Variants in IL1RAPL1 observed in about 807,000 individuals in gnomAD.
The protein encoded by IL1RAPL1 is interleukin-1 receptor accessory protein-like 1.
In IL1RAPL1, 3 loss-of-function variants were observed where a neutral mutation model predicts 48.4. That is an observed-to-expected ratio of 0.06 (90% CI 0.03 to 0.16). The LOEUF (loss-of-function observed/expected upper bound fraction) is 0.16. Ranked by LOEUF, IL1RAPL1 falls within the 10% of genes least tolerant of loss-of-function variation. IL1RAPL1 has a pLI of 1.00. For missense variants in IL1RAPL1, 349 were observed against 530.6 expected (o/e 0.66, Z 3.36); for synonymous variants, 185 against 187.7 (o/e 0.99, Z 0.12).
At chrX:29,120,288 C>G (rs932713028) in intron 2 of IL1RAPL1, among the ~76,000 whole-genome samples, 2 of 112,040 alleles carry the variant, frequency 1.8e-5, no homozygotes, top group Admixed American at 1.9e-4. Context: ...ACATTTAAGT[C>G]TTTAATTCAT....
At chrX:29,852,973 G>A (rs1022108765) in intron 6 of IL1RAPL1, among the ~76,000 whole-genome samples, 1 of 111,381 alleles carries the variant, frequency 9.0e-6, no homozygotes, top group Admixed American at 9.6e-5. Flanking sequence ...ACAGCTGACT[G>A]TGAGAATCCT....
chrX:29,651,513 C>G (rs1925516715), intron 5 of IL1RAPL1, among the ~76,000 whole-genome samples: 3 of 111,277 alleles, frequency 2.7e-5, no homozygotes, highest in Non-Finnish European at 3.8e-5. Flanking sequence ...TGAAAGATCC[C>G]AGGCACAATA....
rs1332159790 is a variant in IL1RAPL1 at position 29,111,929 on chromosome X, T to C, written c.83-171009T>C. Reference sequence around the variant, plus strand: ...GTAGGTTGTATTTTCACTTTTCTTTTTTTTTTTTTTTTTTTTTTGAGACGG... The same window carrying C: ...GTAGGTTGTATTTTCACTTTTCTTTCTTTTTTTTTTTTTTTTTTGAGACGG... On this transcript the variant is annotated intron_variant, in intron 2 of 10. Transcript: ENST00000378993. Among the ~76,000 whole-genome samples, 99 of 87,694 alleles carry C rather than the reference T, an allele frequency of 1.1e-3. 1 individual carries two copies. The highest frequency in any genetic ancestry group is 4.8e-3 in the South Asian group (8 of 1,679). The allele number at this position is 87,694 out of a possible 115,157, so 76.2% of individuals were successfully genotyped here. A position where few individuals can be genotyped will look rare whatever the true frequency, so the allele number is the denominator to read the frequency against.
chrX:29,842,598 G>A (rs1931157818), intron 6 of IL1RAPL1, among the ~76,000 whole-genome samples: 2 of 112,118 alleles, frequency 1.8e-5, no homozygotes, highest in Admixed American at 9.4e-5. Flanking sequence ...GAAACATTTG[G>A]CCTCTGTTGT....
chrX:28,620,898 C>T (rs1179399729), intron 1 of IL1RAPL1, among the ~76,000 whole-genome samples: 1 of 111,912 alleles, frequency 8.9e-6, no homozygotes, highest in Non-Finnish European at 1.9e-5. Flanking sequence ...TATCACTCTC[C>T]TCTTTGCCTA....
Position 28,998,525 on chromosome X carries a change from T to C in IL1RAPL1, c.82+209100T>C, listed in dbSNP as rs771435755. Among the ~76,000 whole-genome samples the C allele has an allele frequency of 3.1e-4, 35 of 112,134 alleles. No homozygotes were observed. In the South Asian group the frequency reaches 0.012, roughly 39 times the overall value. ...AACTTTCACCTTCTATATGTGATAATATGTTTAAATGTAATTAACTGTTCT... is the reference window on the plus strand; with the variant it reads ...AACTTTCACCTTCTATATGTGATAACATGTTTAAATGTAATTAACTGTTCT... On this transcript the variant is annotated intron_variant, in intron 2 of 10. Coordinates refer to ENST00000378993, the MANE Select transcript of IL1RAPL1 (RefSeq NM_014271.4).
At chrX:28,865,084 G>A (rs1314863716) in intron 2 of IL1RAPL1, among the ~76,000 whole-genome samples, 1 of 111,515 alleles carries the variant, frequency 9.0e-6, no homozygotes, top group Non-Finnish European at 1.9e-5. Flanking sequence ...TTTGCGTCAG[G>A]TAGATTCTGG....
intron 2 of IL1RAPL1, among the ~76,000 whole-genome samples, chrX:28,895,182 T>A (rs1922880309): frequency 9.1e-6 from 1 of 110,362 alleles, no homozygotes; most frequent in African/African-American, 3.3e-5. Context: ...ACGGGGTGGG[T>A]AGGCAAAACA....
At chrX:29,952,045 G>A (rs187412099) in intron 9 of IL1RAPL1, among the ~76,000 whole-genome samples, 4 of 111,946 alleles carry the variant, frequency 3.6e-5, no homozygotes, top group African/African-American at 1.3e-4. Context: ...AAAGAAGCAG[G>A]GGAATCAGAG....
At chrX:29,879,885 TA>T (rs1404235893) in intron 6 of IL1RAPL1, among the ~76,000 whole-genome samples, 1 of 110,950 alleles carries the variant, frequency 9.0e-6, no homozygotes, top group Non-Finnish European at 1.9e-5. Flanking sequence ...TCCGTAAGTG[TA>T]AAAAAATAAA....
chrX:29,844,861 A>T (rs1931213097), intron 6 of IL1RAPL1, among the ~76,000 whole-genome samples: 1 of 112,188 alleles, frequency 8.9e-6, no homozygotes, highest in Non-Finnish European at 1.9e-5. Context: ...AGATGAGATT[A>T]TTCTGGATTT....
chrX:29,306,116 C>T (rs1164578327), intron 3 of IL1RAPL1, among the ~76,000 whole-genome samples: 2 of 111,887 alleles, frequency 1.8e-5, no homozygotes, highest in African/African-American at 3.3e-5. Flanking sequence ...TAAACCAGAT[C>T]TTCAGATCCC....
intron 6 of IL1RAPL1, among the ~76,000 whole-genome samples, chrX:29,726,372 C>A (rs1413766931): frequency 2.7e-5 from 3 of 111,917 alleles, no homozygotes; most frequent in Non-Finnish European, 5.6e-5. Flanking sequence ...GTGGTGATAA[C>A]CCTTAACACC....
Position 29,479,414 on chromosome X carries a change from C to CAAAAAAAAAAAAAAAAAAAAAAAAAAAA in IL1RAPL1, c.703+80123_703+80124insAAAAAAAAAAAAAAAAAAAAAAAAAAAA, listed in dbSNP as rs3069570. On this transcript the variant is annotated intron_variant, in intron 5 of 10. Coordinates refer to ENST00000378993, the MANE Select transcript of IL1RAPL1 (RefSeq NM_014271.4). ...TGGGTGACAGAGCGAGACCCTGTCT[C>CAAAAAAAAAAAAAAAAAAAAAAAAAAAA]AAAAAAAAAAAAAAAAATTAGCATT... Among the ~76,000 whole-genome samples, 16 of 42,479 alleles carry CAAAAAAAAAAAAAAAAAAAAAAAAAAAA rather than the reference C, an allele frequency of 3.8e-4. 2 individuals carry two copies. The highest frequency in any genetic ancestry group is 5.8e-4 in the African/African-American group (6 of 10,388). 36.9% of individuals were successfully genotyped at this position (42,479 alleles called of 115,157 possible).
chrX:29,803,354 CATGTATACACAT>C (rs1930131687), intron 6 of IL1RAPL1, among the ~76,000 whole-genome samples: 19 of 76,253 alleles, frequency 2.5e-4, no homozygotes, highest in South Asian at 1.4e-3. Context: ...TATATGTATA[CATGTATACACAT>C]ATGTATATAT....
rs763435211 is a variant in IL1RAPL1 at position 29,711,383 on chromosome X, A to G, written c.778+42879A>G. On this transcript the variant is annotated intron_variant, in intron 6 of 10. Transcript: ENST00000378993. The stretch of plus-strand genomic sequence containing the variant: ...TTTTTAGTAGAGACAGGGTTTCTCT[A>G]TGTTGGTCAGGCTGGTCTTGAACTC... Among the ~76,000 whole-genome samples, 422 of 108,820 alleles carry G rather than the reference A, an allele frequency of 3.9e-3. 1 individual carries two copies. Among genetic ancestry groups the G allele is most frequent in the Non-Finnish European group, 6.1e-3 (322 of 52,436 alleles). The allele number at this position is 108,820 out of a possible 115,157, so 94.5% of individuals were successfully genotyped here.
chrX:29,454,861 A>G (rs140712342), intron 5 of IL1RAPL1, among the ~76,000 whole-genome samples: 2 of 107,989 alleles, frequency 1.9e-5, no homozygotes, highest in Non-Finnish European at 3.8e-5. Flanking sequence ...TCTCATGCAT[A>G]GTAGAGGCAA....
chrX:29,489,041 A>C (rs1040463), intron 5 of IL1RAPL1, among the ~76,000 whole-genome samples: 5 of 111,279 alleles, frequency 4.5e-5, no homozygotes, highest in Non-Finnish European at 7.5e-5. Flanking sequence ...GGTTGGTCAC[A>C]TGAGGATTTT....
At chrX:29,184,010 C>G (rs1264449043) in intron 2 of IL1RAPL1, among the ~76,000 whole-genome samples, 2 of 111,975 alleles carry the variant, frequency 1.8e-5, no homozygotes, top group East Asian at 2.8e-4. Context: ...TTTTTAAAAA[C>G]AAAACAAAAC....
Sources: gnomAD v4.1 joint callset for allele counts (sites outside exome capture counted in the v4.1 genomes callset) on GRCh38, gnomAD v4.1.1 for gene constraint, MANE v1.5 for transcripts, NCBI Gene and HGNC (gene_info 2026-07-23, HGNC 2026-07-21) for gene names.